Variants in PARD3B observed in about 807,000 individuals in gnomAD.
PARD3B encodes partitioning defective 3 homolog B.
In PARD3B, 103 loss-of-function variants were observed where a neutral mutation model predicts 130.2. The ratio of observed to expected loss-of-function variants is 0.79; its 90% CI spans 0.67 to 0.93. The LOEUF (loss-of-function observed/expected upper bound fraction) is 0.93. PARD3B is among the 40% of genes least tolerant of loss of function. PARD3B has a pLI of 0.00. For missense variants in PARD3B, 1,609 were observed against 1,499.2 expected (o/e 1.07, Z -1.21); for synonymous variants, 583 against 553.2 (o/e 1.05, Z -0.76).
At chr2:204,638,679 T>C (rs115602012) in intron 1 of PARD3B, among the ~76,000 whole-genome samples, 1,988 of 152,086 alleles carry the variant, frequency 0.013, 40 homozygotes, top group African/African-American at 0.046. Context: ...CATGCCAAGA[T>C]TTTGGGGGGA....
rs560095719 is a variant in PARD3B, at chr2:205,210,799, C to G, written c.2140+17479C>G. ...TTTTAAAATCACTTCTGTGGTTAAA[C>G]CTCTCCCAGCTGTTTGACTGTATGT... On this transcript the variant is annotated intron_variant, in intron 15 of 22. Transcript: ENST00000406610. Among the ~76,000 whole-genome samples, 318 of 152,056 alleles carry G rather than the reference C, an allele frequency of 2.1e-3. 1 individual carries two copies. The highest frequency in any genetic ancestry group is 7.0e-3 in the African/African-American group (291 of 41,500).
intron 2 of PARD3B, among the ~76,000 whole-genome samples, chr2:204,752,694 T>C (rs2040511246): frequency 6.6e-6 from 1 of 152,168 alleles, no homozygotes; most frequent in African/African-American, 2.4e-5. Context: ...TGATTTTATG[T>C]CATCTCCATC....
At chr2:205,088,117 G>A (rs1268335590) in intron 4 of PARD3B, among the ~76,000 whole-genome samples, 1 of 152,186 alleles carries the variant, frequency 6.6e-6, no homozygotes, top group East Asian at 1.9e-4. Flanking sequence ...AATGATGACT[G>A]AGTTCCCGCA....
At chr2:204,947,744 G>A (rs1459772902) in intron 2 of PARD3B, among the ~76,000 whole-genome samples, 1 of 152,072 alleles carries the variant, frequency 6.6e-6, no homozygotes, top group Non-Finnish European at 1.5e-5. Context: ...AAGTTTGAGA[G>A]GTTATGAAAT....
chr2:204,990,897 G>A (rs1476358477), intron 3 of PARD3B, among the ~76,000 whole-genome samples: 1 of 152,120 alleles, frequency 6.6e-6, no homozygotes, highest in Admixed American at 6.5e-5. Context: ...AGCATATGGT[G>A]TGAGATAGGG....
intron 2 of PARD3B, among the ~76,000 whole-genome samples, chr2:204,848,704 A>ATCTATTATT: frequency 2.0e-5 from 3 of 150,718 alleles, no homozygotes; most frequent in Middle Eastern, 3.6e-3. Context: ...ATATGTATCT[A>ATCTATTATT]TATATATATT....
intron 22 of PARD3B, among the ~76,000 whole-genome samples, chr2:205,567,139 C>A (rs1369393534): frequency 1.3e-5 from 2 of 151,838 alleles, no homozygotes; most frequent in Admixed American, 6.6e-5. Flanking sequence ...AATTTACTCT[C>A]AAATGGCTCA....
chr2:205,490,811 G>T (rs898427969), intron 20 of PARD3B, among the ~76,000 whole-genome samples: 1 of 152,176 alleles, frequency 6.6e-6, no homozygotes, highest in African/African-American at 2.4e-5. Context: ...ATTCTAACTG[G>T]TGTGAGATGG....
chr2:205,545,537 A>AT (rs1398092141), intron 21 of PARD3B, among the ~76,000 whole-genome samples: 3 of 152,150 alleles, frequency 2.0e-5, no homozygotes, highest in South Asian at 4.1e-4. Context: ...CATGAAACTC[A>AT]TTTTTTTGTA....
intron 4 of PARD3B, among the ~76,000 whole-genome samples, chr2:205,089,429 C>G (rs780274784): frequency 6.6e-5 from 10 of 152,096 alleles, no homozygotes; most frequent in Non-Finnish European, 1.5e-4. Flanking sequence ...CCTTGGCCTC[C>G]CCGACTCTCT....
intron 15 of PARD3B, among the ~76,000 whole-genome samples, chr2:205,243,287 C>G (rs537854849): frequency 3.7e-4 from 57 of 152,220 alleles, no homozygotes; most frequent in African/African-American, 1.3e-3. Flanking sequence ...ATGATGATGA[C>G]AGTAGTTCAT....
chr2:205,052,451 A>ATATATATATATATATATATAT (rs1491236980), intron 4 of PARD3B, among the ~76,000 whole-genome samples: 5 of 14,730 alleles, frequency 3.4e-4, no homozygotes, highest in African/African-American at 5.4e-4. Flanking sequence ...ATATATATAT[A>ATATATATATATATATATATAT]AAATTAAAAA....
Position 205,105,966 on chromosome 2 carries a change from T to C in PARD3B, c.593+1452T>C, listed in dbSNP as rs1478697916. The stretch of plus-strand genomic sequence containing the variant: ...GGCTTTAATTTCACTTATTTCAGTG[T>C]TAGCTTTTTGAAAAGTTTGTTAATA... On this transcript the variant is annotated intron_variant, in intron 5 of 22. Coordinates refer to ENST00000406610, the MANE Select transcript of PARD3B (RefSeq NM_001302769.2). This position sits in a 1 kb window ranked among gnomAD's most constrained non-coding sequence, Gnocchi z 4.0. Among the ~76,000 whole-genome samples, 4 of 151,954 alleles carry C rather than the reference T, an allele frequency of 2.6e-5. No homozygotes were observed. The highest frequency in any genetic ancestry group is 2.6e-4 in the Admixed American group (4 of 15,248).
intron 1 of PARD3B, among the ~76,000 whole-genome samples, chr2:204,552,711 A>C (rs2030550799): frequency 6.6e-6 from 1 of 152,174 alleles, no homozygotes; most frequent in South Asian, 2.1e-4. Context: ...TCATTCTCCT[A>C]CATGTGGCTT....
chr2:204,715,159 G>T (rs948080094), intron 2 of PARD3B, among the ~76,000 whole-genome samples: 1 of 152,170 alleles, frequency 6.6e-6, no homozygotes, highest in African/African-American at 2.4e-5. Context: ...GTGTTCAGAA[G>T]TCAAAGGTGA....
At chr2:204,704,559 A>T (rs1342322714) in intron 2 of PARD3B, among the ~76,000 whole-genome samples, 1 of 152,218 alleles carries the variant, frequency 6.6e-6, no homozygotes, top group Non-Finnish European at 1.5e-5. Flanking sequence ...TATGGTATTT[A>T]TGAGAATTTT....
intron 2 of PARD3B, among the ~76,000 whole-genome samples, chr2:204,751,633 C>T (rs768947983): frequency 5.3e-5 from 8 of 152,160 alleles, no homozygotes; most frequent in Non-Finnish European, 1.0e-4. Context: ...GTACATCTGT[C>T]TTATAACTTG....
intron 20 of PARD3B, among the ~76,000 whole-genome samples, chr2:205,462,638 G>A (rs915928453): frequency 1.6e-4 from 25 of 152,176 alleles, no homozygotes; most frequent in African/African-American, 5.1e-4. Context: ...GGCACATGGA[G>A]TTCTAGTAGA....
chr2:204,903,467 A>G (rs550072616), intron 2 of PARD3B, among the ~76,000 whole-genome samples: 4 of 152,344 alleles, frequency 2.6e-5, no homozygotes, highest in African/African-American at 9.6e-5. Flanking sequence ...TAAAACCATT[A>G]TAATGTGCTA....
Sources: gnomAD v4.1 joint callset for allele counts (sites outside exome capture counted in the v4.1 genomes callset) on GRCh38, gnomAD v4.1.1 for gene constraint, Gnocchi (gnomAD v3.1) non-coding constraint, MANE v1.5 for transcripts, NCBI Gene and HGNC (gene_info 2026-07-23, HGNC 2026-07-21) for gene names.